HECW1: variants seen among roughly 807,000 people sequenced by gnomAD.
HECW1 encodes the protein E3 ubiquitin-protein ligase HECW1.
Under a neutral mutation model 182.3 loss-of-function variants are expected in HECW1, and 61 were observed. The observed-to-expected ratio is 0.33, with a 90% CI of 0.27 to 0.41. The LOEUF (loss-of-function observed/expected upper bound fraction) is 0.41, where lower values mean the gene tolerates loss of function less well. HECW1 is among the 10% of genes least tolerant of loss of function. The pLI, the probability that HECW1 is intolerant of heterozygous loss-of-function variation, is 1.00. For synonymous variants in HECW1, 859 were observed against 832.6 expected, an observed-to-expected ratio of 1.03 and a Z score of -0.55; for missense variants, 1,739 against 2,108.9, an observed-to-expected ratio of 0.82 and a Z score of 3.44.
chr7:43,325,954 G>A (rs1453715998), intron 5 of HECW1, among the ~76,000 whole-genome samples: 4 of 152,122 alleles, frequency 2.6e-5, no homozygotes, highest in Admixed American at 1.3e-4. Flanking sequence ...GTCTCAGTCC[G>A]TTGAGGCTGT....
In HECW1 at chr7:43,565,430, T is replaced by A. The variant is rs1317197058; in HGVS notation, c.*3504T>A. ...AATATTACATCCATCATATTTTCAG[T>A]CCATGTGTCAAACCATGTGTCCAAA... On this transcript the variant is annotated 3_prime_UTR_variant, in exon 30 of 30. Transcript: ENST00000395891. The A allele has an allele frequency of 5.0e-6, 1 of 199,512 alleles. No individual in the cohort carries two copies. The highest frequency in any genetic ancestry group is 1.0e-5 in the Non-Finnish European group (1 of 96,680). The allele number at this position is 199,512 out of a possible 1,614,324, so 12.4% of individuals were successfully genotyped here.
intron 2 of HECW1, among the ~76,000 whole-genome samples, chr7:43,182,656 C>A (rs544756327): frequency 6.6e-5 from 10 of 152,254 alleles, no homozygotes; most frequent in Admixed American, 5.9e-4. Context: ...TGGTTTCATA[C>A]AAATTTTAGG....
chr7:43,123,655 G>A (rs1785870720), intron 2 of HECW1, among the ~76,000 whole-genome samples: 1 of 152,214 alleles, frequency 6.6e-6, no homozygotes, highest in African/African-American at 2.4e-5. Flanking sequence ...CCCAGGCAGA[G>A]TGAATGATCT....
intron 24 of HECW1, among the ~76,000 whole-genome samples, chr7:43,531,422 T>C (rs1435322406): frequency 6.6e-6 from 1 of 152,248 alleles, no homozygotes; most frequent in Non-Finnish European, 1.5e-5. Context: ...CCTTAGGATC[T>C]TCCTATGCAC....
At chr7:43,383,396 C>A (rs1046335079) in intron 6 of HECW1, among the ~76,000 whole-genome samples, 7 of 152,230 alleles carry the variant, frequency 4.6e-5, no homozygotes, top group African/African-American at 1.4e-4. Context: ...TACACTCCCA[C>A]CAATAGTGTA....
chr7:43,488,468 G>GAAAGAA (rs1449867018), intron 17 of HECW1, among the ~76,000 whole-genome samples: 6 of 147,774 alleles, frequency 4.1e-5, no homozygotes, highest in African/African-American at 1.5e-4. Context: ...AAGAAAGAAA[G>GAAAGAA]AAAGAAAGAA....
At chr7:43,431,517 C>G (rs1156651098) in intron 8 of HECW1, among the ~76,000 whole-genome samples, 1 of 152,198 alleles carries the variant, frequency 6.6e-6, no homozygotes, top group Non-Finnish European at 1.5e-5. Context: ...CACCACTTTG[C>G]ACTTATCTTA....
chr7:43,477,004 A>T (rs1371743051), intron 16 of HECW1, among the ~76,000 whole-genome samples: 1 of 152,162 alleles, frequency 6.6e-6, no homozygotes, highest in Non-Finnish European at 1.5e-5. Context: ...AGAAAACTTT[A>T]ACATCCCGAC....
At chr7:43,343,937 A>G (rs1020015288) in intron 5 of HECW1, among the ~76,000 whole-genome samples, 3 of 151,728 alleles carry the variant, frequency 2.0e-5, no homozygotes, top group Non-Finnish European at 4.4e-5. Context: ...TGACCTTTTA[A>G]TGATCGCCAT....
intron 2 of HECW1, among the ~76,000 whole-genome samples, chr7:43,158,680 C>A (rs780941922): frequency 2.0e-5 from 3 of 152,202 alleles, no homozygotes; most frequent in Non-Finnish European, 4.4e-5. Context: ...ATCCCCTCCC[C>A]CTTTCCATCT....
At chr7:43,389,792 C>T (rs2074948962) in intron 6 of HECW1, among the ~76,000 whole-genome samples, 1 of 152,094 alleles carries the variant, frequency 6.6e-6, no homozygotes, top group Non-Finnish European at 1.5e-5. Flanking sequence ...AGGTGTGCAC[C>T]ACCATGCCTG....
chr7:43,237,140 A>G (rs560566996), intron 2 of HECW1, among the ~76,000 whole-genome samples: 196 of 133,966 alleles, frequency 1.5e-3, no homozygotes, highest in African/African-American at 4.6e-3. Flanking sequence ...GAAGGAAGGA[A>G]GTAGGTAGGT....
chr7:43,368,580 A>C (rs1300118243), intron 6 of HECW1, among the ~76,000 whole-genome samples: 4 of 152,176 alleles, frequency 2.6e-5, no homozygotes, highest in Non-Finnish European at 5.9e-5. Flanking sequence ...TCTCTAGATA[A>C]TTTACCCAGG....
chr7:43,305,669 C>T (rs1360934895), intron 3 of HECW1, among the ~76,000 whole-genome samples: 3 of 151,828 alleles, frequency 2.0e-5, no homozygotes, highest in Admixed American at 6.6e-5. Context: ...TGCATGATCT[C>T]GGCTCACTGC....
intron 8 of HECW1, among the ~76,000 whole-genome samples, chr7:43,412,315 G>A (rs1375685359): frequency 1.3e-5 from 2 of 151,718 alleles, no homozygotes; most frequent in Admixed American, 6.6e-5. Context: ...CCTACATGAC[G>A]ATGTTAAAAA....
intron 2 of HECW1, among the ~76,000 whole-genome samples, chr7:43,237,140 A>AGTAG (rs71008898): frequency 0.039 from 5,250 of 133,882 alleles, 104 homozygotes; most frequent in Middle Eastern, 0.051. Flanking sequence ...GAAGGAAGGA[A>AGTAG]GTAGGTAGGT....
intron 3 of HECW1, chr7:43,248,645 A>G (rs901598762): frequency 6.5e-5 from 10 of 152,988 alleles, no homozygotes; most frequent in African/African-American, 2.2e-4. Flanking sequence ...TGGAACCTCC[A>G]TTGTAAGGCC....
rs1206995136 is a variant in HECW1 at position 43,114,783 on chromosome 7, A to G, written c.-32+392A>G. Among the ~76,000 whole-genome samples the G allele has an allele frequency of 3.3e-5, 5 of 152,204 alleles. No individual in the cohort carries two copies. In the South Asian group the frequency reaches 6.2e-4, roughly 19 times the overall value. On this transcript the variant is annotated intron_variant, in intron 2 of 29. Transcript: ENST00000395891. ...AGGCAAATTGCCTAAGTTTGTTTAG[A>G]TTGTGACATTATTGACTTGATAGGG... is the stretch of plus-strand genomic sequence containing the variant.
At chr7:43,178,032 CAG>C (rs1562636304) in intron 2 of HECW1, among the ~76,000 whole-genome samples, 1 of 152,186 alleles carries the variant, frequency 6.6e-6, no homozygotes, top group Non-Finnish European at 1.5e-5. Context: ...GTTTTTGAGA[CAG>C]AGTCTCGCTC....
Sources: gnomAD v4.1 joint callset for allele counts (sites outside exome capture counted in the v4.1 genomes callset) on GRCh38, gnomAD v4.1.1 for gene constraint, MANE v1.5 for transcripts, NCBI Gene and HGNC (gene_info 2026-07-23, HGNC 2026-07-21) for gene names.